Variants in PMS2 observed in about 807,000 individuals in gnomAD.
The protein encoded by PMS2 is mismatch repair endonuclease PMS2.
Under a neutral mutation model 90.0 loss-of-function variants are expected in PMS2, and 69 were observed. The ratio of observed to expected loss-of-function variants is 0.77; its 90% CI spans 0.63 to 0.94. PMS2 has a LOEUF of 0.94. Among genes scored for constraint, PMS2 ranks in the 40% least tolerant of loss-of-function variants. The pLI, the probability that PMS2 is intolerant of heterozygous loss-of-function variation, is 0.00. For missense variants in PMS2, 966 were observed against 1,040.2 expected, an observed-to-expected ratio of 0.93 and a Z score of 0.98; for synonymous variants, 332 against 375.1, an observed-to-expected ratio of 0.89 and a Z score of 1.33.
In PMS2 at chr7:5,997,426, G is replaced by GA. The variant is rs60794673; in HGVS notation, c.706-4dup. ...ACAAAAGGAATGAGGCTTTGCAACTGAAAAAAAAAAAAAAAAATTCACAGT... is the reference window on the plus strand; with the variant it reads ...ACAAAAGGAATGAGGCTTTGCAACTGAAAAAAAAAAAAAAAAAATTCACAGT... On this transcript the variant is annotated splice_region_variant and splice_polypyrimidine_tract_variant and intron_variant, in intron 6 of 14. Transcript: ENST00000265849. The GA allele has an allele frequency of 0.088, 96,254 of 1,088,714 alleles. 749 individuals are homozygous for GA. Among genetic ancestry groups the GA allele is most frequent in the African/African-American group, 0.1 (5,724 of 56,862 alleles). 67.4% of individuals were successfully genotyped at this position (1,088,714 alleles called of 1,614,324 possible).
chr7:5,989,012 C>A (rs1418939169), intron 10 of PMS2, among the ~76,000 whole-genome samples: 1 of 152,040 alleles, frequency 6.6e-6, no homozygotes, highest in South Asian at 2.1e-4. Context: ...CCCGCCACCA[C>A]GCCCGGCTAA....
intron 11 of PMS2, among the ~76,000 whole-genome samples, chr7:5,985,754 T>C (rs1359350994): frequency 2.1e-5 from 3 of 143,028 alleles, no homozygotes; most frequent in African/African-American, 7.7e-5. Context: ...GGTTTCTCCA[T>C]GTTGGTCAGC....
intron 4 of PMS2, 35 bp downstream of exon 4, chr7:6,003,655 A>C: frequency 9.3e-7 from 1 of 1,079,420 alleles, no homozygotes; most frequent in Non-Finnish European, 1.4e-6. Context: ...GGTTTCTCTA[A>C]GGGGTCAAGT....
chr7:5,989,067 G>T (rs1415563019), intron 10 of PMS2, among the ~76,000 whole-genome samples: 6 of 152,092 alleles, frequency 3.9e-5, no homozygotes. Flanking sequence ...GTGTTAGATA[G>T]TCTCGATCTC....
At chr7:6,004,853 T>A (rs980391483) in intron 2 of PMS2, among the ~76,000 whole-genome samples, 27 of 152,176 alleles carry the variant, frequency 1.8e-4, no homozygotes, top group African/African-American at 6.3e-4. Context: ...ATAAGTTCTA[T>A]CTCATAAAGT....
In PMS2 at chr7:5,987,135, C is replaced by T. The variant is rs876660139; in HGVS notation, c.1630G>A (p.Asp544Asn). 2 of 1,613,746 alleles carry T rather than the reference C, an allele frequency of 1.2e-6. No homozygotes were observed. The highest frequency in any genetic ancestry group is 1.7e-6 in the Non-Finnish European group (2 of 1,179,880). ...TGGCAGTCCACATCTGAAAAAGAGT[C>T]GTCAGTTTTAGGCGCTTTCTCCTGA... ...DSQEKAPKTD[D>N]SFSDVDCHSN... Residue 544 changes from aspartate (D) to asparagine (N), a missense_variant, in exon 11 of 15, where the codon GAC (aspartate) becomes AAC (asparagine). Asp to Asn is a conservative substitution (Grantham distance 23). Coordinates refer to ENST00000265849, the MANE Select transcript of PMS2 (RefSeq NM_000535.7).
rs1361844059 is a variant in PMS2, at chr7:5,991,831, C to A, written c.988+142G>T. On this transcript the variant is annotated intron_variant, in intron 9 of 14. Coordinates refer to ENST00000265849, the MANE Select transcript of PMS2 (RefSeq NM_000535.7). ...TCCAGCCTGGGTGACAGAGCAAGAC[C>A]CCGTCTCAAAAAAAAACAAAAACAA... 16 of 622,158 alleles carry A rather than the reference C, an allele frequency of 2.6e-5. No homozygotes were observed. The East Asian group carries it at 4.4e-4, about 17-fold the overall frequency. The allele number at this position is 622,158 out of a possible 1,614,324, so 38.5% of individuals were successfully genotyped here. A position where few individuals can be genotyped will look rare whatever the true frequency, so the allele number is the denominator to read the frequency against.
intron 5 of PMS2, among the ~76,000 whole-genome samples, chr7:6,000,234 C>T (rs1784945389): frequency 6.6e-6 from 1 of 151,840 alleles, no homozygotes; most frequent in Non-Finnish European, 1.5e-5. Context: ...ATTAGCCGGG[C>T]ATGGTAGCAC....
rs761134229 is a variant in PMS2 at position 5,999,240 on chromosome 7, G to A, written c.573C>T (p.Tyr191=). The A allele has an allele frequency of 6.2e-7, 1 of 1,613,888 alleles. No individual in the cohort carries two copies. The highest frequency in any genetic ancestry group is 1.7e-5 in the Admixed American group (1 of 59,970). ...YAKMVQVLHA[Y]CIISAGIRVS... ...CACGGATGCCTGCTGAAATGATACA[G>A]TATGCATGTAAGACCTGGACCATTT... Residue 191 remains tyrosine, a synonymous_variant, in exon 6 of 15, where the codon TAC becomes TAT. Coordinates refer to ENST00000265849, the MANE Select transcript of PMS2 (RefSeq NM_000535.7).
At chr7:6,008,146 C>T (rs184155553) in intron 1 of PMS2, among the ~76,000 whole-genome samples, 19 of 152,258 alleles carry the variant, frequency 1.2e-4, no homozygotes, top group African/African-American at 4.6e-4. Flanking sequence ...CGTGAGTCAC[C>T]GCTCTCGGCC....
chr7:5,987,768 A>G, intron 10 of PMS2, 148 bp from the exon 11 acceptor site: 2 of 960,608 alleles, frequency 2.1e-6, no homozygotes, highest in East Asian at 2.4e-5. Flanking sequence ...TAAAACTATA[A>G]TATGGGCCAG....
intron 8 of PMS2, among the ~76,000 whole-genome samples, chr7:5,994,684 G>A (rs1361624083): frequency 6.6e-6 from 1 of 151,800 alleles, no homozygotes; most frequent in African/African-American, 2.4e-5. Context: ...GCTGAGGCAG[G>A]AGAATGGCGT....
chr7:5,991,244 T>C (rs1783694704), intron 9 of PMS2, among the ~76,000 whole-genome samples: 1 of 151,714 alleles, frequency 6.6e-6, no homozygotes, highest in Non-Finnish European at 1.5e-5. Context: ...GTATACAAAA[T>C]TATTTTCTCA....
At chr7:6,006,769 C>G (rs540312765) in intron 1 of PMS2, among the ~76,000 whole-genome samples, 2 of 152,256 alleles carry the variant, frequency 1.3e-5, no homozygotes, top group East Asian at 3.9e-4. Flanking sequence ...ATTCCTTATA[C>G]ACAGTTGCCT....
intron 1 of PMS2, among the ~76,000 whole-genome samples, chr7:6,007,967 C>G (rs1286085328): frequency 1.3e-5 from 2 of 151,218 alleles, no homozygotes; most frequent in East Asian, 3.9e-4. Context: ...TCCAGCGATT[C>G]TCCTGCCTCA....
intron 9 of PMS2, among the ~76,000 whole-genome samples, chr7:5,991,612 G>C (rs892491492): frequency 1.3e-5 from 2 of 151,794 alleles, no homozygotes; most frequent in Non-Finnish European, 2.9e-5. Context: ...GGCCAAGACG[G>C]GCAGATCACG....
At chr7:6,001,046 T>C (rs543293967) in intron 5 of PMS2, among the ~76,000 whole-genome samples, 75 of 152,236 alleles carry the variant, frequency 4.9e-4, no homozygotes, top group African/African-American at 1.6e-3. Flanking sequence ...AAAAAAAGTT[T>C]TTAGCTGCAT....
At chr7:5,999,317 T>C (rs749396440) in intron 5 of PMS2, 42 bp from the exon 6 acceptor site, 5 of 1,555,848 alleles carry the variant, frequency 3.2e-6, no homozygotes, top group African/African-American at 1.4e-5. Context: ...ATTACTTTAA[T>C]ATTATAGGAA....
chr7:5,998,988 T>C, intron 6 of PMS2, 120 bp downstream of exon 6: 1 of 922,326 alleles, frequency 1.1e-6, no homozygotes, highest in Non-Finnish European at 1.6e-6. Flanking sequence ...AGACTCCCTC[T>C]CAAAAAAAAA....
Sources: gnomAD v4.1 joint callset for allele counts (sites outside exome capture counted in the v4.1 genomes callset) on GRCh38, gnomAD v4.1.1 for gene constraint, MANE v1.5 for transcripts, NCBI Gene and HGNC (gene_info 2026-07-23, HGNC 2026-07-21) for gene names.